The following RBFOX1 variants were observed in gnomAD, a reference collection of about 807,000 sequenced individuals.
RBFOX1 encodes the protein RNA binding protein fox-1 homolog 1.
RBFOX1 carries 8 observed loss-of-function variants against 57.7 expected under a neutral mutation model. The observed-to-expected ratio is 0.14, with a 90% confidence interval of 0.08 to 0.25. RBFOX1 has a LOEUF of 0.25. Ranked by LOEUF, RBFOX1 falls within the 10% of genes least tolerant of loss-of-function variation. The pLI, the probability that RBFOX1 is intolerant of heterozygous loss-of-function variation, is 1.00. For missense variants in RBFOX1, 611 were observed against 548.5 expected (o/e 1.11, Z -1.14); for synonymous variants, 326 against 222.4 (o/e 1.47, Z -4.15).
intron 4 of RBFOX1, among the ~76,000 whole-genome samples, chr16:7,378,670 G>A (rs1021037454): frequency 6.6e-6 from 1 of 152,124 alleles, no homozygotes; most frequent in African/African-American, 2.4e-5. Flanking sequence ...ACCTCCCAAT[G>A]TAGGCTTTTA....
At chr16:6,921,945 C>A (rs1433705428) in intron 3 of RBFOX1, among the ~76,000 whole-genome samples, 2 of 152,126 alleles carry the variant, frequency 1.3e-5, no homozygotes, top group African/African-American at 4.8e-5. Context: ...ACCTTAGCTT[C>A]TGCACACCAC....
intron 1 of RBFOX1, among the ~76,000 whole-genome samples, chr16:5,434,090 G>A (rs1030585021): frequency 2.6e-5 from 4 of 152,156 alleles, no homozygotes; most frequent in African/African-American, 9.7e-5. Context: ...TCAGCTGACT[G>A]TAATCTGCAG....
intron 1 of RBFOX1, among the ~76,000 whole-genome samples, chr16:5,461,204 T>C (rs1330133888): frequency 6.6e-6 from 1 of 152,076 alleles, no homozygotes; most frequent in Non-Finnish European, 1.5e-5. Flanking sequence ...CAGCAGAGAA[T>C]GGCTGCATCT....
At chr16:7,232,442 G>C (rs2093554575) in intron 4 of RBFOX1, among the ~76,000 whole-genome samples, 1 of 152,092 alleles carries the variant, frequency 6.6e-6, no homozygotes, top group African/African-American at 2.4e-5. Flanking sequence ...CCAGGTTCCT[G>C]GCAACTATTA....
intron 1 of RBFOX1, among the ~76,000 whole-genome samples, chr16:5,437,789 G>C (rs1175224023): frequency 6.6e-6 from 1 of 152,102 alleles, no homozygotes; most frequent in Non-Finnish European, 1.5e-5. Context: ...CTTATACTCT[G>C]TATTTTTCAC....
At chr16:6,635,259 G>A (rs983333698) in intron 2 of RBFOX1, among the ~76,000 whole-genome samples, 3 of 151,228 alleles carry the variant, frequency 2.0e-5, no homozygotes, top group African/African-American at 7.3e-5. Context: ...CACTAAAAAT[G>A]ATTTTTTGGA....
chr16:6,615,904 C>T (rs1237713928), intron 2 of RBFOX1, among the ~76,000 whole-genome samples: 1 of 152,296 alleles, frequency 6.6e-6, no homozygotes, highest in East Asian at 1.9e-4. Context: ...CGCATCTCCC[C>T]ATCCCTCATA....
chr16:6,752,138 A>G (rs1321652888), intron 3 of RBFOX1, among the ~76,000 whole-genome samples: 2 of 152,154 alleles, frequency 1.3e-5, no homozygotes, highest in African/African-American at 4.8e-5. Flanking sequence ...AGTGTTTTGC[A>G]TTCCATTAGT....
chr16:6,238,829 C>A (rs950421197), intron 1 of RBFOX1, among the ~76,000 whole-genome samples: 2 of 152,074 alleles, frequency 1.3e-5, no homozygotes, highest in Non-Finnish European at 2.9e-5. Flanking sequence ...TATAGACGTG[C>A]AATGTGAAAT....
chr16:6,428,580 G>A (rs1433578191), intron 2 of RBFOX1, among the ~76,000 whole-genome samples: 1 of 152,106 alleles, frequency 6.6e-6, no homozygotes, highest in African/African-American at 2.4e-5. Flanking sequence ...TTGTTATGGT[G>A]ATTCTAGGAA....
intron 2 of RBFOX1, among the ~76,000 whole-genome samples, chr16:5,477,714 G>A (rs1387339970): frequency 1.3e-5 from 2 of 152,120 alleles, no homozygotes; most frequent in Admixed American, 1.3e-4. Context: ...CTCTCCTGAT[G>A]GGCATGTATG....
intron 2 of RBFOX1, among the ~76,000 whole-genome samples, chr16:6,467,993 G>C (rs1296648367): frequency 6.6e-6 from 1 of 152,164 alleles, no homozygotes. Flanking sequence ...TAGCACCAGA[G>C]CCTCTTTGAG....
chr16:5,940,766 A>C (rs13333075), intron 4 of RBFOX1, among the ~76,000 whole-genome samples: 2,413 of 152,252 alleles, frequency 0.016, 75 homozygotes, highest in African/African-American at 0.056. Flanking sequence ...TTCTTTGCTG[A>C]GGCCACAGCC....
intron 11 of RBFOX1, among the ~76,000 whole-genome samples, chr16:7,635,636 A>G (rs11643727): frequency 0.99 from 150,829 of 152,112 alleles, 74,786 homozygotes; most frequent in East Asian, 1. Context: ...TGTTACATGG[A>G]CATTACATAT....
intron 4 of RBFOX1, among the ~76,000 whole-genome samples, chr16:7,160,605 A>C (rs2078107166): frequency 6.6e-6 from 1 of 152,120 alleles, no homozygotes; most frequent in African/African-American, 2.4e-5. Flanking sequence ...ACAAACAATT[A>C]TTTTATGGCT....
intron 1 of RBFOX1, among the ~76,000 whole-genome samples, chr16:6,311,114 G>A (rs2080232989): frequency 6.6e-6 from 1 of 151,708 alleles, no homozygotes. Context: ...GGCCGACATG[G>A]TGAAACCCTG....
chr16:6,637,143 A>G (rs1197623006), intron 2 of RBFOX1, among the ~76,000 whole-genome samples: 2 of 93,890 alleles, frequency 2.1e-5, no homozygotes, highest in Non-Finnish European at 3.7e-5. Flanking sequence ...TATTAAATAT[A>G]TAATATACAA....
chr16:7,400,803 G>A (rs1211661360), intron 4 of RBFOX1, among the ~76,000 whole-genome samples: 1 of 152,190 alleles, frequency 6.6e-6, no homozygotes, highest in East Asian at 1.9e-4. Context: ...GGTGATGTTA[G>A]GAGGAGTCAG....
chr16:7,300,410 A>C (rs1166480511), intron 4 of RBFOX1, among the ~76,000 whole-genome samples: 1 of 152,226 alleles, frequency 6.6e-6, no homozygotes, highest in African/African-American at 2.4e-5. Context: ...TTTTCTAAAG[A>C]TACTTTCATG....
Sources: gnomAD v4.1 joint callset for allele counts (sites outside exome capture counted in the v4.1 genomes callset) on GRCh38, gnomAD v4.1.1 for gene constraint, MANE v1.5 for transcripts, NCBI Gene and HGNC (gene_info 2026-07-23, HGNC 2026-07-21) for gene names.